The following POLQ variants were observed in gnomAD, a reference collection of about 807,000 sequenced individuals.
The protein encoded by POLQ is DNA polymerase theta.
Under a neutral mutation model 259.2 loss-of-function variants are expected in POLQ, and 233 were observed. The ratio of observed to expected loss-of-function variants is 0.90; its 90% CI spans 0.81 to 1.00. POLQ has a LOEUF of 1.00. Among genes scored for constraint, POLQ ranks in the 50% least tolerant of loss-of-function variants. The pLI is 0.00. For missense variants in POLQ, 2,871 were observed against 3,051.6 expected (o/e 0.94, Z 1.39); for synonymous variants, 1,025 against 1,048.8 (o/e 0.98, Z 0.44).
In POLQ at chr3:121,431,629, G is replaced by C. The variant is rs2047493372; in HGVS notation, c.*675C>G. On this transcript the variant is annotated 3_prime_UTR_variant, in exon 30 of 30. Transcript: ENST00000264233. ...TGCAATAAAAACATCTGATCTTACA[G>C]AACAGGATACCTCTTGAAGAGGTAT... The C allele has an allele frequency of 6.6e-6, 1 of 152,540 alleles. No individual in the cohort carries two copies. The highest frequency in any genetic ancestry group is 6.6e-5 in the Admixed American group (1 of 15,260). The allele number at this position is 152,540 out of a possible 1,614,324, so 9.4% of individuals were successfully genotyped here.
intron 26 of POLQ, among the ~76,000 whole-genome samples, chr3:121,440,963 C>CA (rs2108774427): frequency 6.6e-6 from 1 of 152,118 alleles, no homozygotes; most frequent in Non-Finnish European, 1.5e-5. Context: ...TGTAGTATTC[C>CA]AACATATTTG....
intron 2 of POLQ, among the ~76,000 whole-genome samples, chr3:121,542,010 C>T (rs760395946): frequency 6.6e-6 from 1 of 151,836 alleles, no homozygotes; most frequent in Non-Finnish European, 1.5e-5. Context: ...GTGGCGGGCA[C>T]CTGTAATCCC....
At chr3:121,454,529 T>A (rs2047713499) in intron 25 of POLQ, among the ~76,000 whole-genome samples, 1 of 151,874 alleles carries the variant, frequency 6.6e-6, no homozygotes, top group Non-Finnish European at 1.5e-5. Context: ...AATAAAAGGA[T>A]GGAGGAAGAT....
intron 15 of POLQ, among the ~76,000 whole-genome samples, chr3:121,491,785 C>T (rs893354562): frequency 1.3e-5 from 2 of 152,064 alleles, no homozygotes; most frequent in Admixed American, 1.3e-4. Flanking sequence ...AAAGTCTAAA[C>T]CAGGGGTCCT....
Position 121,487,597 on chromosome 3 carries a change from T to C in POLQ, c.5334A>G (p.Ser1778=), listed in dbSNP as rs775783329. The C allele has an allele frequency of 6.2e-6, 10 of 1,614,052 alleles. No individual in the cohort carries two copies. The highest frequency in any genetic ancestry group is 1.7e-4 in the Middle Eastern group (1 of 6,060). The change falls in exon 16 of 30, where the codon TCA becomes TCG. Residue 1778 remains serine, a synonymous_variant. Coordinates refer to ENST00000264233, the MANE Select transcript of POLQ (RefSeq NM_199420.4). ...GACTTAAATCGTGGTTTTTAATATCTGAAGGTGAGCCAAATAAATAACTTT... is the reference window on the plus strand; with the variant it reads ...GACTTAAATCGTGGTTTTTAATATCCGAAGGTGAGCCAAATAAATAACTTT... ...PGESYLFGSP[S]DIKNHDLSPG...
At chr3:121,478,762 T>A (rs983350255) in intron 19 of POLQ, among the ~76,000 whole-genome samples, 5 of 152,050 alleles carry the variant, frequency 3.3e-5, no homozygotes, top group African/African-American at 1.2e-4. Flanking sequence ...AGAATAAAAA[T>A]CATTATTTGT....
intron 4 of POLQ, among the ~76,000 whole-genome samples, 172 bp downstream of exon 4, chr3:121,539,261 C>T (rs2048471961): frequency 6.6e-6 from 1 of 152,086 alleles, no homozygotes; most frequent in African/African-American, 2.4e-5. Flanking sequence ...AGCAGCAGGA[C>T]ACAAAACTTA....
intron 9 of POLQ, among the ~76,000 whole-genome samples, chr3:121,518,652 T>C (rs550030297): frequency 6.6e-6 from 1 of 152,318 alleles, no homozygotes; most frequent in African/African-American, 2.4e-5. Context: ...TTCCTCAGTG[T>C]ACTACCCAGC....
rs925776471 is a variant in POLQ at position 121,510,508 on chromosome 3, C to T, written c.1612-265G>A. Among the ~76,000 whole-genome samples the T allele has an allele frequency of 8.6e-5, 13 of 151,698 alleles. 1 individual carries two copies. Among genetic ancestry groups the T allele is most frequent in the African/African-American group, 2.2e-4 (9 of 41,240 alleles). ...AGGAGAATGGCATGAACCCAAGAGG[C>T]GAAGCTTGCGGTGAGCCAAGATCAC... On this transcript the variant is annotated intron_variant, in intron 10 of 29. Coordinates refer to ENST00000264233, the MANE Select transcript of POLQ (RefSeq NM_199420.4).
intron 12 of POLQ, among the ~76,000 whole-genome samples, chr3:121,509,205 C>T (rs2048232972): frequency 6.6e-6 from 1 of 152,100 alleles, no homozygotes; most frequent in African/African-American, 2.4e-5. Context: ...CTTAATGGCA[C>T]GCATGTTTGT....
Position 121,432,110 on chromosome 3 carries a change from C to T in POLQ, c.*194G>A, listed in dbSNP as rs185567338. On this transcript the variant is annotated 3_prime_UTR_variant, in exon 30 of 30. Coordinates refer to ENST00000264233, the MANE Select transcript of POLQ (RefSeq NM_199420.4). ...ACTATTATACTTGGTATTCTACTTC[C>T]CCCACGCCCCCAGAAGTTTTTGATG... is the stretch of plus-strand genomic sequence containing the variant. 1.9e-3 allele frequency: 863 copies of T among 462,988 alleles called. 3 individuals are homozygous for T. The highest frequency in any genetic ancestry group is 2.8e-3 in the Non-Finnish European group (739 of 268,456). 28.7% of individuals were successfully genotyped at this position (462,988 alleles called of 1,614,324 possible).
rs750623071 is a variant in POLQ at position 121,460,131 on chromosome 3, A to G, written c.7071T>C (p.Asp2357=). The part of the protein sequence containing the change: ...RLIQVLNTGA[D]VFRSIAAEWK... ...ACTCTGCTGCAATGCTCCTGAAAAC[A>G]TCAGCTCCAGTGTTTAACACTTGAA... is the stretch of plus-strand genomic sequence containing the variant. Residue 2357 remains aspartate, a synonymous_variant, in exon 25 of 30, where the codon GAT becomes GAC. Coordinates refer to ENST00000264233, the MANE Select transcript of POLQ (RefSeq NM_199420.4). The G allele has an allele frequency of 1.2e-6, 2 of 1,613,910 alleles. No individual in the cohort carries two copies. Among genetic ancestry groups the G allele is most frequent in the Non-Finnish European group, 1.7e-6 (2 of 1,179,796 alleles).
intron 25 of POLQ, among the ~76,000 whole-genome samples, chr3:121,451,395 T>C (rs903066310): frequency 2.0e-5 from 3 of 152,258 alleles, no homozygotes; most frequent in Non-Finnish European, 4.4e-5. Context: ...TTTTCTGCTC[T>C]GTTTTTTCCC....
chr3:121,493,851 G>T, intron 14 of POLQ, 130 bp from the exon 15 acceptor site: 1 of 773,048 alleles, frequency 1.3e-6, no homozygotes, highest in Non-Finnish European at 2.0e-6. Context: ...GGCCCAAGGT[G>T]TAAGTTAACA....
chr3:121,529,584 T>A (rs2048396156), intron 7 of POLQ, 61 bp downstream of exon 7: 2 of 1,487,838 alleles, frequency 1.3e-6, no homozygotes, highest in African/African-American at 1.4e-5. Flanking sequence ...ATATAATCAC[T>A]ACCATTACTT....
chr3:121,510,212 T>G lies in POLQ; in HGVS notation c.1643A>C (p.Gln548Pro), dbSNP rs757972558. ...GCAGGCAGCATAAGTATGCATATCT[T>G]GTGATGTACTTGCCACTCCACCAAC... ...IIVGGVASTS[Q>P]DMHTYAACTF... The change falls in exon 11 of 30, where the codon CAA (glutamine) becomes CCA (proline). Residue 548 changes from glutamine (Q) to proline (P), a missense_variant. Physicochemically the swap from Gln to Pro is moderately conservative, Grantham distance 76. Coordinates refer to ENST00000264233, the MANE Select transcript of POLQ (RefSeq NM_199420.4). 6 of 1,613,064 alleles carry G rather than the reference T, an allele frequency of 3.7e-6. No individual in the cohort carries two copies. Among genetic ancestry groups the G allele is most frequent in the Non-Finnish European group, 5.1e-6 (6 of 1,179,100 alleles).
chr3:121,491,835 T>C (rs1473348079), intron 15 of POLQ, among the ~76,000 whole-genome samples: 1 of 151,372 alleles, frequency 6.6e-6, no homozygotes, highest in Non-Finnish European at 1.5e-5. Context: ...CCATGGCCTG[T>C]TAGGAACTGG....
At chr3:121,498,806 T>C (rs1207312183) in intron 12 of POLQ, 136 bp from the exon 13 acceptor site, 1 of 648,062 alleles carries the variant, frequency 1.5e-6, no homozygotes. Context: ...AAGGCTGAGA[T>C]GGAAAGATTG....
intron 9 of POLQ, among the ~76,000 whole-genome samples, chr3:121,517,603 T>C (rs764287527): frequency 1.3e-5 from 2 of 152,166 alleles, no homozygotes; most frequent in Non-Finnish European, 2.9e-5. Flanking sequence ...TTCTGGCCCA[T>C]TGTATGTGAA....
Sources: allele counts gnomAD v4.1 joint callset (sites outside exome capture counted in the v4.1 genomes callset), GRCh38; gene constraint gnomAD v4.1.1; transcripts MANE v1.5; gene names NCBI Gene and HGNC (gene_info 2026-07-23, HGNC 2026-07-21).